The following ZYG11B variants were observed in gnomAD, a reference collection of about 807,000 sequenced individuals.
ZYG11B encodes the protein protein zyg-11 homolog B.
In ZYG11B, 36 loss-of-function variants were observed where a neutral mutation model predicts 82.4. That is an observed-to-expected ratio of 0.44 (90% CI 0.33 to 0.58). ZYG11B has a LOEUF of 0.58. ZYG11B is among the 20% of genes least tolerant of loss of function. ZYG11B has a pLI of 0.02. For synonymous variants in ZYG11B, 303 were observed against 312.8 expected, an observed-to-expected ratio of 0.97 and a Z score of 0.33; for missense variants, 552 against 895.6, an observed-to-expected ratio of 0.62 and a Z score of 4.90.
At chr1:52,808,395 A>G (rs113097092) in intron 10 of ZYG11B, among the ~76,000 whole-genome samples, 21 of 152,300 alleles carry the variant, frequency 1.4e-4, no homozygotes, top group African/African-American at 4.8e-4. Context: ...TAAGATTAGT[A>G]ACAATTTTGA....
At chr1:52,729,453 G>A (rs1337017831) in intron 1 of ZYG11B, among the ~76,000 whole-genome samples, 1 of 152,198 alleles carries the variant, frequency 6.6e-6, no homozygotes, top group East Asian at 1.9e-4. Flanking sequence ...GAGGTGAGGA[G>A]AAGGCAGAAT....
intron 8 of ZYG11B, among the ~76,000 whole-genome samples, chr1:52,797,953 C>T (rs899160780): frequency 1.3e-5 from 2 of 150,964 alleles, no homozygotes; most frequent in South Asian, 4.2e-4. Context: ...TAATGGGACT[C>T]CTTCTCTACC....
At chr1:52,755,019 G>A (rs1231082084) in intron 1 of ZYG11B, among the ~76,000 whole-genome samples, 3 of 140,640 alleles carry the variant, frequency 2.1e-5, no homozygotes, top group Non-Finnish European at 4.5e-5. Flanking sequence ...GGAGTGCAGT[G>A]ACATGATCTC....
chr1:52,738,442 A>T (rs1428640191), intron 1 of ZYG11B, among the ~76,000 whole-genome samples: 3 of 151,962 alleles, frequency 2.0e-5, no homozygotes, highest in Non-Finnish European at 4.4e-5. Flanking sequence ...CGGCCTCCCA[A>T]AGTGCTGAGA....
intron 2 of ZYG11B, among the ~76,000 whole-genome samples, chr1:52,759,102 T>G (rs1644604680): frequency 6.6e-6 from 1 of 152,090 alleles, no homozygotes; most frequent in Admixed American, 6.6e-5. Context: ...CAGCTAATTT[T>G]TGTATTTTTA....
At chr1:52,811,338 G>C (rs951976719) in intron 10 of ZYG11B, among the ~76,000 whole-genome samples, 11 of 152,100 alleles carry the variant, frequency 7.2e-5, no homozygotes, top group Non-Finnish European at 1.0e-4. Flanking sequence ...TCTAATCTCT[G>C]CTTCTTCTAT....
Position 52,762,934 on chromosome 1 carries a change from T to C in ZYG11B, c.196+6311T>C, listed in dbSNP as rs1185014457. On this transcript the variant is annotated intron_variant, in intron 2 of 13. Coordinates refer to ENST00000294353, the MANE Select transcript of ZYG11B (RefSeq NM_024646.3). Reference sequence around the variant, plus strand: ...TATAGTTTTGGGTCTTACATTTAGGTCTTTGATTCATTTTGAGTTGGTTTT... The same window carrying C: ...TATAGTTTTGGGTCTTACATTTAGGCCTTTGATTCATTTTGAGTTGGTTTT... 3.6e-5 allele frequency among the ~76,000 whole-genome samples: 5 copies of C among 140,804 alleles called. No homozygotes were observed. In the East Asian group the frequency reaches 1.2e-3, roughly 35 times the overall value. The allele number at this position is 140,804 out of a possible 152,430, so 92.4% of individuals were successfully genotyped here. A position where few individuals can be genotyped will look rare whatever the true frequency, so the allele number is the denominator to read the frequency against.
At chr1:52,818,873 A>C (rs1645257189) in intron 13 of ZYG11B, among the ~76,000 whole-genome samples, 1 of 150,214 alleles carries the variant, frequency 6.7e-6, no homozygotes. Context: ...AGCTCACCAC[A>C]ACCTACACCT....
intron 5 of ZYG11B, among the ~76,000 whole-genome samples, chr1:52,786,587 G>T (rs1040931353): frequency 3.9e-5 from 6 of 151,912 alleles, no homozygotes; most frequent in African/African-American, 1.5e-4. Context: ...TGTCTCTACA[G>T]ATAATAAAAA....
chr1:52,792,751 T>C (rs990905884), intron 6 of ZYG11B, among the ~76,000 whole-genome samples: 2 of 152,242 alleles, frequency 1.3e-5, no homozygotes, highest in Admixed American at 6.5e-5. Context: ...AAAGAACTTA[T>C]TTTGTGCCAA....
Position 52,796,742 on chromosome 1 carries a change from A to T in ZYG11B, c.1443A>T (p.Thr481=), listed in dbSNP as rs1645009406. The T allele has an allele frequency of 3.1e-6, 5 of 1,599,158 alleles. No homozygotes were observed. The highest frequency in any genetic ancestry group is 3.4e-6 in the Non-Finnish European group (4 of 1,174,856). Residue 481 remains threonine (T), a synonymous_variant, in exon 8 of 14, where the codon ACA becomes ACT. Transcript: ENST00000294353. ...TTTTTACTTGCTTGCAGCTTTCTAC[A>T]GAACAAACTGCACAGCTTGGTACTG... ...IISILAAKLS[T]EQTAQLGTEL... is the part of the protein sequence containing the mutation.
chr1:52,813,978 C>T (rs1645203733), intron 12 of ZYG11B, 66 bp downstream of exon 12: 1 of 1,461,838 alleles, frequency 6.8e-7, no homozygotes, highest in Admixed American at 1.9e-5. Context: ...AAGAGTCATT[C>T]CTACTAGATG....
At chr1:52,777,007 C>T (rs942303463) in intron 3 of ZYG11B, among the ~76,000 whole-genome samples, 1 of 151,878 alleles carries the variant, frequency 6.6e-6, no homozygotes, top group East Asian at 1.9e-4. Flanking sequence ...GTCAGGAGTT[C>T]GAGACCAGCC....
chr1:52,733,466 G>A (rs1416214075), intron 1 of ZYG11B, among the ~76,000 whole-genome samples: 6 of 152,116 alleles, frequency 3.9e-5, no homozygotes, highest in Non-Finnish European at 8.8e-5. Flanking sequence ...TTGAGCCCAG[G>A]AGTTCGAGAC....
intron 1 of ZYG11B, among the ~76,000 whole-genome samples, chr1:52,731,550 TA>T (rs1463697681): frequency 6.6e-6 from 1 of 152,132 alleles, no homozygotes; most frequent in African/African-American, 2.4e-5. Context: ...AAATCATTGA[TA>T]AAGAGATGAT....
At chr1:52,765,068 A>G (rs1430617171) in intron 2 of ZYG11B, among the ~76,000 whole-genome samples, 2 of 149,804 alleles carry the variant, frequency 1.3e-5, no homozygotes, top group Admixed American at 1.3e-4. Context: ...TTTTTTTTTA[A>G]TAGAGATGGA....
At chr1:52,808,312 C>T (rs1340855304) in intron 10 of ZYG11B, among the ~76,000 whole-genome samples, 2 of 151,970 alleles carry the variant, frequency 1.3e-5, no homozygotes, top group African/African-American at 4.8e-5. Context: ...TGCAGTGAGC[C>T]GAGATCACGC....
chr1:52,782,096 C>T (rs1644862009), intron 4 of ZYG11B, among the ~76,000 whole-genome samples: 1 of 151,994 alleles, frequency 6.6e-6, no homozygotes, highest in Non-Finnish European at 1.5e-5. Context: ...GGTAGCATCT[C>T]ACTCTGTCAC....
intron 3 of ZYG11B, among the ~76,000 whole-genome samples, chr1:52,773,612 TATATATATATATATA>T (rs1315902882): frequency 5.4e-5 from 1 of 18,688 alleles, no homozygotes; most frequent in Non-Finnish European, 1.6e-4. Flanking sequence ...TATATATATA[TATATATATATATATA>T]TTTTTTTTTT....
Sources: allele counts gnomAD v4.1 joint callset (sites outside exome capture counted in the v4.1 genomes callset), GRCh38; gene constraint gnomAD v4.1.1; transcripts MANE v1.5; gene names NCBI Gene and HGNC (gene_info 2026-07-23, HGNC 2026-07-21).